MYOF: variants seen among roughly 807,000 people sequenced by gnomAD.
MYOF encodes the protein fer-1-like 3, myoferlin.
A neutral mutation model predicts 284.2 loss-of-function variants in MYOF; 244 were observed. The ratio of observed to expected loss-of-function variants is 0.86; its 90% CI spans 0.77 to 0.95. The LOEUF (loss-of-function observed/expected upper bound fraction) is 0.95. Ranked by LOEUF, MYOF falls within the 40% of genes least tolerant of loss-of-function variation. The probability of loss-of-function intolerance (pLI) is 0.00; values close to 1 mark genes in which losing one functional copy is unlikely to be tolerated. For synonymous variants in MYOF, 904 were observed against 919.7 expected, an observed-to-expected ratio of 0.98 and a Z score of 0.31; for missense variants, 2,496 against 2,560.6, an observed-to-expected ratio of 0.97 and a Z score of 0.54.
At chr10:93,413,803 A>G (rs1848003648) in intron 5 of MYOF, among the ~76,000 whole-genome samples, 1 of 151,960 alleles carries the variant, frequency 6.6e-6, no homozygotes, top group Non-Finnish European at 1.5e-5. Context: ...AGCCTGGGCA[A>G]CATAGGGAGA....
At position 93,359,941 on chromosome 10, in the gene MYOF, C is replaced by A. The variant is rs544973438; in HGVS notation, c.3012G>T (p.Lys1004Asn). The A allele has an allele frequency of 6.2e-7, 1 of 1,614,148 alleles. No individual in the cohort carries two copies. The highest frequency in any genetic ancestry group is 1.3e-5 in the African/African-American group (1 of 75,012). ...TCTCTGCTGCAACCCAGGATTTGGG[C>A]TTATGATCAGGAGGAATGGTGATTC... ...EYGITIPPDHKPKSWVAAEKM... is the reference protein window; with the variant it reads ...EYGITIPPDHNPKSWVAAEKM... Residue 1004 changes from lysine to asparagine, a missense_variant, in exon 29 of 54, where the codon AAG (lysine) becomes AAT (asparagine). Lys to Asn is a moderately conservative substitution (Grantham distance 94). Transcript: ENST00000359263.
In MYOF at chr10:93,367,253, C is replaced by T. The variant is rs550386269; in HGVS notation, c.2590-698G>A. On this transcript the variant is annotated intron_variant, in intron 25 of 53. Coordinates refer to ENST00000359263, the MANE Select transcript of MYOF (RefSeq NM_013451.4). The stretch of plus-strand genomic sequence containing the variant: ...CAAGTTAGAATCTATAAATCTATGA[C>T]GGTCTGCTCTTCATCATGGCAACCA... Among the ~76,000 whole-genome samples the T allele has an allele frequency of 7.2e-5, 11 of 152,298 alleles. No homozygotes were observed. In the South Asian group the frequency reaches 1.2e-3, roughly 17 times the overall value.
chr10:93,419,136 T>C (rs140767828), intron 5 of MYOF, among the ~76,000 whole-genome samples: 1 of 152,284 alleles, frequency 6.6e-6, no homozygotes, highest in Non-Finnish European at 1.5e-5. Flanking sequence ...TATTCACTAG[T>C]GTTCCCCAAA....
chr10:93,306,783 C>T lies in MYOF; in HGVS notation c.*180G>A, dbSNP rs979666808. On this transcript the variant is annotated 3_prime_UTR_variant, in exon 54 of 54. Coordinates refer to ENST00000359263, the MANE Select transcript of MYOF (RefSeq NM_013451.4). The stretch of plus-strand genomic sequence containing the variant: ...TACTTAAGAGATAACATGATGCAAA[C>T]GTTGCTTGTTGGCCTGACTTTCCAG... The T allele has an allele frequency of 6.5e-5, 42 of 641,474 alleles. No homozygotes were observed. The Admixed American group carries it at 8.5e-4, about 13-fold the overall frequency. 39.7% of individuals were successfully genotyped at this position (641,474 alleles called of 1,614,324 possible). A position where few individuals can be genotyped will look rare whatever the true frequency, so the allele number is the denominator to read the frequency against.
chr10:93,358,898 C>G lies in MYOF; in HGVS notation c.3120+935G>C, dbSNP rs545731767. ...GCAAACCACCATGGCACACATTTACCTGTGTAACAAACCTGCATGTACTGC... is the reference window on the plus strand; with the variant it reads ...GCAAACCACCATGGCACACATTTACGTGTGTAACAAACCTGCATGTACTGC... On this transcript the variant is annotated intron_variant, in intron 29 of 53. Transcript: ENST00000359263. 8.7e-4 allele frequency among the ~76,000 whole-genome samples: 132 copies of G among 152,074 alleles called. 1 individual carries two copies. Among genetic ancestry groups the G allele is most frequent in the Non-Finnish European group, 1.6e-3 (112 of 67,976 alleles).
At chr10:93,454,947 C>T (rs751688885) in intron 2 of MYOF, among the ~76,000 whole-genome samples, 5 of 144,884 alleles carry the variant, frequency 3.5e-5, no homozygotes, top group Non-Finnish European at 7.4e-5. Context: ...CCACTGCATT[C>T]CAGCCTGGGT....
chr10:93,478,870 AC>A (rs1390642212), intron 1 of MYOF, among the ~76,000 whole-genome samples: 4 of 151,024 alleles, frequency 2.6e-5, no homozygotes, highest in Admixed American at 6.6e-5. Flanking sequence ...GGGTTTGAAC[AC>A]GAAAAACTGA....
intron 4 of MYOF, 59 bp from the exon 5 acceptor site, chr10:93,426,217 C>A: frequency 1.3e-6 from 2 of 1,513,212 alleles, no homozygotes; most frequent in Non-Finnish European, 1.8e-6. Flanking sequence ...ATGTTATAGA[C>A]TCAATGCAAG....
chr10:93,358,717 C>A (rs1422466571), intron 29 of MYOF, among the ~76,000 whole-genome samples: 1 of 152,144 alleles, frequency 6.6e-6, no homozygotes, highest in African/African-American at 2.4e-5. Context: ...CCAAACACCG[C>A]ATGTTCTCAC....
At chr10:93,432,187 A>G (rs1848903195) in intron 3 of MYOF, among the ~76,000 whole-genome samples, 1 of 152,254 alleles carries the variant, frequency 6.6e-6, no homozygotes, top group Admixed American at 6.5e-5. Context: ...CAGGAGTTTG[A>G]GACCAGCCTG....
intron 3 of MYOF, among the ~76,000 whole-genome samples, chr10:93,450,524 A>G (rs2056560658): frequency 6.6e-6 from 1 of 152,238 alleles, no homozygotes. Flanking sequence ...CGGTAAGCTG[A>G]GATTGCGCCA....
At chr10:93,405,120 CTCT>C (rs758183487) in intron 7 of MYOF, among the ~76,000 whole-genome samples, 1 of 152,090 alleles carries the variant, frequency 6.6e-6, no homozygotes, top group Non-Finnish European at 1.5e-5. Context: ...TTTGCTTTAT[CTCT>C]TTTTTAAACT....
intron 7 of MYOF, among the ~76,000 whole-genome samples, chr10:93,405,654 T>C (rs1241527289): frequency 1.3e-5 from 2 of 152,156 alleles, no homozygotes; most frequent in Non-Finnish European, 2.9e-5. Flanking sequence ...CGGATGCAAA[T>C]TGGCCATTTG....
chr10:93,462,368 C>T (rs909104868), intron 1 of MYOF, among the ~76,000 whole-genome samples: 6 of 152,152 alleles, frequency 3.9e-5, no homozygotes, highest in African/African-American at 1.4e-4. Context: ...CCGTGCCCGG[C>T]CTGCTAAGCC....
intron 32 of MYOF, among the ~76,000 whole-genome samples, chr10:93,352,708 T>C (rs1844579215): frequency 6.6e-6 from 1 of 152,206 alleles, no homozygotes; most frequent in Non-Finnish European, 1.5e-5. Context: ...ATATGAACCC[T>C]TTGCTTTTGC....
chr10:93,370,669 TTG>T (rs928230430), intron 24 of MYOF, among the ~76,000 whole-genome samples: 11 of 152,106 alleles, frequency 7.2e-5, no homozygotes, highest in African/African-American at 2.7e-4. Flanking sequence ...TGTTAATATT[TTG>T]TGTGATGAGA....
chr10:93,323,203 T>G, intron 47 of MYOF, 30 bp from the exon 48 acceptor site: 1 of 1,613,846 alleles, frequency 6.2e-7, no homozygotes, highest in South Asian at 1.1e-5. Context: ...AAGGTACTTT[T>G]TTTTCTGGTC....
At chr10:93,344,003 C>T in intron 37 of MYOF, 71 bp from the exon 38 acceptor site, 2 of 1,530,116 alleles carry the variant, frequency 1.3e-6, no homozygotes, top group Non-Finnish European at 1.8e-6. Flanking sequence ...ACTCCAAGTT[C>T]AAGTTTAACA....
intron 19 of MYOF, among the ~76,000 whole-genome samples, chr10:93,384,963 A>G (rs2134015800): frequency 6.6e-6 from 1 of 152,340 alleles, no homozygotes; most frequent in East Asian, 1.9e-4. Flanking sequence ...CTGATACCTG[A>G]TGGAGCAGCT....
Sources: allele counts gnomAD v4.1 joint callset (sites outside exome capture counted in the v4.1 genomes callset), GRCh38; gene constraint gnomAD v4.1.1; transcripts MANE v1.5; gene names NCBI Gene and HGNC (gene_info 2026-07-23, HGNC 2026-07-21).